Variants in DNAH11 observed in about 807,000 individuals in gnomAD.
The protein encoded by DNAH11 is axonemal beta dynein heavy chain 11.
In DNAH11, 442 loss-of-function variants were observed where a neutral mutation model predicts 526.0. That is an observed-to-expected ratio of 0.84 (90% confidence interval 0.78 to 0.91). The LOEUF (loss-of-function observed/expected upper bound fraction) is 0.91. Ranked by LOEUF, DNAH11 falls within the 40% of genes least tolerant of loss-of-function variation. DNAH11 has a pLI of 0.00. For missense variants in DNAH11, 6,989 were observed against 5,448.7 expected (o/e 1.28, Z -8.90); for synonymous variants, 2,461 against 1,935.9 (o/e 1.27, Z -7.12).
Position 21,599,821 on chromosome 7 carries a change from T to G in DNAH11, c.2702T>G (p.Leu901Arg). The G allele has an allele frequency of 6.3e-7, 1 of 1,592,616 alleles. No homozygotes were observed. Among genetic ancestry groups the G allele is most frequent in the Non-Finnish European group, 8.6e-7 (1 of 1,166,396 alleles). The change falls in exon 15 of 82, where the codon CTG becomes CGG. Residue 901 changes from leucine (L) to arginine (R), a missense_variant. Physicochemically the swap from Leu to Arg is moderately radical, Grantham distance 102 (BLOSUM62 -2). Coordinates refer to ENST00000409508, the MANE Select transcript of DNAH11 (RefSeq NM_001277115.2). ...AAGCTCTTCAAAGCCAATCCCTCTC[T>G]GGATACCTGGAAAATTTATGTAGAA... is the stretch of plus-strand genomic sequence containing the variant. ...NRKLFKANPS[L>R]DTWKIYVEFI... is the part of the protein sequence containing the mutation.
chr7:21,801,385 GATA>G (rs1562554614), intron 62 of DNAH11, 110 bp downstream of exon 62: 18 of 1,353,354 alleles, frequency 1.3e-5, no homozygotes, highest in Non-Finnish European at 1.7e-5. Flanking sequence ...AACAACAAAG[GATA>G]ATATTTGATA....
chr7:21,709,141 G>A (rs1243112534), intron 40 of DNAH11, among the ~76,000 whole-genome samples: 1 of 152,134 alleles, frequency 6.6e-6, no homozygotes, highest in Admixed American at 6.5e-5. Context: ...GTTCACTGCA[G>A]CACTATTCAC....
chr7:21,681,922 A>G lies in DNAH11; in HGVS notation c.5460+245A>G, dbSNP rs145786267. On this transcript the variant is annotated intron_variant, in intron 31 of 81. Transcript: ENST00000409508. ...TTAGGAACATCAGATCATCAAAAAA[A>G]ATTTTATCACAGTGGAAGAACCGTG... Among the ~76,000 whole-genome samples the G allele has an allele frequency of 1.8e-4, 28 of 152,294 alleles. No homozygotes were observed. In the East Asian group the frequency reaches 5.2e-3, roughly 28 times the overall value.
At chr7:21,798,662 T>C (rs1025783013) in intron 61 of DNAH11, among the ~76,000 whole-genome samples, 8 of 152,186 alleles carry the variant, frequency 5.3e-5, no homozygotes, top group African/African-American at 1.4e-4. Context: ...CTGCAAGTTA[T>C]ATAAGGCATT....
intron 73 of DNAH11, among the ~76,000 whole-genome samples, chr7:21,870,701 A>C (rs1783463826): frequency 6.6e-6 from 1 of 152,200 alleles, no homozygotes; most frequent in Admixed American, 6.5e-5. Context: ...GTTGCCCCTA[A>C]AATTGCAAGT....
intron 14 of DNAH11, among the ~76,000 whole-genome samples, chr7:21,595,907 G>C (rs2128445303): frequency 6.6e-6 from 1 of 152,232 alleles, no homozygotes; most frequent in Non-Finnish European, 1.5e-5. Context: ...CAAAGATGCA[G>C]AAAAGGAAAG....
At chr7:21,661,045 G>A (rs757426142) in intron 30 of DNAH11, among the ~76,000 whole-genome samples, 5 of 151,994 alleles carry the variant, frequency 3.3e-5, no homozygotes, top group East Asian at 1.9e-4. Flanking sequence ...TTCTAGCAGC[G>A]ATGTTCCTCC....
chr7:21,687,622 T>G, intron 34 of DNAH11, 95 bp downstream of exon 34: 1 of 1,386,180 alleles, frequency 7.2e-7, no homozygotes, highest in Non-Finnish European at 9.7e-7. Flanking sequence ...CCTCTCCCTG[T>G]CTCATGAAAT....
chr7:21,829,523 A>G (rs148802291), intron 65 of DNAH11, among the ~76,000 whole-genome samples: 8 of 152,326 alleles, frequency 5.3e-5, no homozygotes, highest in African/African-American at 1.9e-4. Flanking sequence ...GTCTACCACA[A>G]TAGTAAGTCT....
intron 62 of DNAH11, among the ~76,000 whole-genome samples, chr7:21,805,381 A>T (rs970282000): frequency 6.6e-6 from 1 of 152,108 alleles, no homozygotes; most frequent in Non-Finnish European, 1.5e-5. Flanking sequence ...AAGCATATAG[A>T]ATAGTCCTGG....
At chr7:21,606,585 A>G (rs769626408) in intron 19 of DNAH11, 43 bp downstream of exon 19, 9 of 1,509,998 alleles carry the variant, frequency 6.0e-6, no homozygotes, top group Middle Eastern at 1.7e-4. Context: ...AGGTTTTACT[A>G]GGATAATTGA....
intron 25 of DNAH11, among the ~76,000 whole-genome samples, chr7:21,622,814 A>T (rs1786138944): frequency 6.6e-6 from 1 of 152,168 alleles, no homozygotes; most frequent in African/African-American, 2.4e-5. Flanking sequence ...TACAAAAATT[A>T]ATTCACGATG....
chr7:21,879,029 TG>T (rs1266273288), intron 74 of DNAH11, among the ~76,000 whole-genome samples: 5 of 152,146 alleles, frequency 3.3e-5, no homozygotes, highest in African/African-American at 1.2e-4. Context: ...AATCTGAACA[TG>T]GGTGAAATAT....
rs371437266 is a variant in DNAH11, at chr7:21,842,648, A to G, written c.10796A>G (p.Gln3599Arg). Residue 3599 changes from glutamine (Q) to arginine (R), a missense_variant, in exon 66 of 82, where the codon CAG becomes CGG. Gln to Arg is a conservative substitution (Grantham distance 43). Transcript: ENST00000409508. ...CACTATAAGCCGGAATTACAAGCTC[A>G]GACAACTCTCCTCAATTTCACAGTC... ...NPHYKPELQA[Q>R]TTLLNFTVTE... is the part of the protein sequence containing the mutation. 1.1e-4 allele frequency: 178 copies of G among 1,613,850 alleles called. No individual in the cohort carries two copies. Among genetic ancestry groups the G allele is most frequent in the Non-Finnish European group, 1.5e-4 (172 of 1,179,864 alleles).
chr7:21,769,267 A>C (rs907649015), intron 55 of DNAH11, among the ~76,000 whole-genome samples: 15 of 152,200 alleles, frequency 9.9e-5, no homozygotes, highest in South Asian at 4.1e-4. Context: ...CCTCGACCTC[A>C]TAAGTAGGGT....
intron 25 of DNAH11, among the ~76,000 whole-genome samples, chr7:21,628,628 C>G (rs1413617901): frequency 6.6e-6 from 1 of 152,104 alleles, no homozygotes; most frequent in Non-Finnish European, 1.5e-5. Flanking sequence ...CCTTCTATCT[C>G]TGGAATGACT....
At chr7:21,626,680 T>G (rs1178373953) in intron 25 of DNAH11, among the ~76,000 whole-genome samples, 1 of 152,032 alleles carries the variant, frequency 6.6e-6, no homozygotes, top group Non-Finnish European at 1.5e-5. Context: ...GTATTATGAT[T>G]TGCATTTCTC....
chr7:21,610,847 G>C (rs747745509), intron 20 of DNAH11, among the ~76,000 whole-genome samples: 31 of 152,192 alleles, frequency 2.0e-4, no homozygotes, highest in Admixed American at 3.9e-4. Context: ...ATATAAAAGA[G>C]CCTAAGGGAC....
At chr7:21,550,713 C>T (rs1460089242) in intron 2 of DNAH11, among the ~76,000 whole-genome samples, 1 of 152,102 alleles carries the variant, frequency 6.6e-6, no homozygotes, top group African/African-American at 2.4e-5. Flanking sequence ...AAAGTGGCTC[C>T]CATTGTCAGG....
Sources: gnomAD v4.1 joint callset for allele counts (sites outside exome capture counted in the v4.1 genomes callset) on GRCh38, gnomAD v4.1.1 for gene constraint, MANE v1.5 for transcripts, NCBI Gene and HGNC (gene_info 2026-07-23, HGNC 2026-07-21) for gene names.